SAMMSON: variants seen among roughly 807,000 people sequenced by gnomAD.
SAMMSON encodes the protein long intergenic non-protein coding RNA 1212.
chr3:70,315,903 C>A (rs1348103492), intron 7 of SAMMSON, among the ~76,000 whole-genome samples: 2 of 152,036 alleles, frequency 1.3e-5, no homozygotes, highest in Non-Finnish European at 2.9e-5. Context: ...ATTCCCTGTA[C>A]AAAGAGTGTT....
chr3:70,242,892 G>A (rs983777621), intron 4 of SAMMSON, among the ~76,000 whole-genome samples: 2 of 152,208 alleles, frequency 1.3e-5, no homozygotes, highest in African/African-American at 4.8e-5. Flanking sequence ...CCAGGGAGGG[G>A]TTTGGTGGCA....
At chr3:70,280,196 TCTC>T (rs1353996900) in intron 6 of SAMMSON, among the ~76,000 whole-genome samples, 1 of 152,136 alleles carries the variant, frequency 6.6e-6, no homozygotes, top group African/African-American at 2.4e-5. Flanking sequence ...TGTATCATCA[TCTC>T]CTCTTCTGTG....
rs189399835 is a variant in SAMMSON at position 70,370,804 on chromosome 3, G to T, written n.913+12480G>T. Reference sequence around the variant, plus strand: ...CTTAATAATTTCCTTTGCTGTGCAGGAACTTTTTAGTTTAATATAGTCCTA... The same window carrying T: ...CTTAATAATTTCCTTTGCTGTGCAGTAACTTTTTAGTTTAATATAGTCCTA... On this transcript the variant is annotated intron_variant and non_coding_transcript_variant, in intron 9 of 9. Transcript: ENST00000642114. Among the ~76,000 whole-genome samples the T allele has an allele frequency of 6.6e-5, 10 of 151,956 alleles. No homozygotes were observed. In the East Asian group the frequency reaches 1.9e-3, roughly 29 times the overall value.
chr3:70,367,521 C>G (rs1353148644), intron 9 of SAMMSON, among the ~76,000 whole-genome samples: 1 of 151,602 alleles, frequency 6.6e-6, no homozygotes, highest in African/African-American at 2.4e-5. Context: ...CTAATGTCCT[C>G]CAGGCTTATC....
intron 4 of SAMMSON, among the ~76,000 whole-genome samples, chr3:70,171,840 C>T (rs1700959964): frequency 6.6e-6 from 1 of 151,834 alleles, no homozygotes; most frequent in African/African-American, 2.4e-5. Flanking sequence ...CCACCCCTGC[C>T]ACATATTTCA....
intron 4 of SAMMSON, among the ~76,000 whole-genome samples, chr3:70,168,412 G>A (rs2067646575): frequency 6.6e-6 from 1 of 152,002 alleles, no homozygotes; most frequent in Non-Finnish European, 1.5e-5. Flanking sequence ...AGCACATGGA[G>A]CTTATGCCAC....
At chr3:70,258,519 T>C (rs1350938843) in intron 6 of SAMMSON, among the ~76,000 whole-genome samples, 1 of 152,202 alleles carries the variant, frequency 6.6e-6, no homozygotes, top group Admixed American at 6.5e-5. Context: ...TCCAGTCACA[T>C]GAGCTAGTAG....
chr3:70,026,344 T>G (rs1033573443), intron 3 of SAMMSON, among the ~76,000 whole-genome samples: 11 of 152,142 alleles, frequency 7.2e-5, no homozygotes, highest in African/African-American at 2.7e-4. Flanking sequence ...ATTAATTTAT[T>G]TTATTCATTT....
intron 4 of SAMMSON, among the ~76,000 whole-genome samples, chr3:70,151,265 T>C (rs1346515147): frequency 6.6e-6 from 1 of 152,022 alleles, no homozygotes; most frequent in Non-Finnish European, 1.5e-5. Context: ...AAGAGACTCC[T>C]TGGTGCTGGA....
chr3:70,051,568 A>G (rs747722697), intron 3 of SAMMSON, among the ~76,000 whole-genome samples: 9 of 151,540 alleles, frequency 5.9e-5, no homozygotes, highest in Non-Finnish European at 1.2e-4. Flanking sequence ...TTAGCGTTAT[A>G]TTTATGGACA....
chr3:70,207,431 C>T (rs1701303297), intron 4 of SAMMSON, among the ~76,000 whole-genome samples: 2 of 151,936 alleles, frequency 1.3e-5, no homozygotes, highest in Admixed American at 1.3e-4. Flanking sequence ...AACTGTCTGG[C>T]ACAATAGCTA....
At chr3:70,020,220 A>G (rs1394719022) in intron 3 of SAMMSON, among the ~76,000 whole-genome samples, 1 of 152,128 alleles carries the variant, frequency 6.6e-6, no homozygotes, top group Non-Finnish European at 1.5e-5. Flanking sequence ...AGTCATGTTT[A>G]TTCCCTTTTA....
intron 3 of SAMMSON, among the ~76,000 whole-genome samples, chr3:70,020,832 T>A (rs764981091): frequency 1.3e-5 from 2 of 152,124 alleles, no homozygotes; most frequent in African/African-American, 4.8e-5. Context: ...TCCCAACAAC[T>A]GTAGGAAACA....
intron 7 of SAMMSON, among the ~76,000 whole-genome samples, chr3:70,307,004 C>T (rs1024536982): frequency 1.3e-5 from 2 of 151,710 alleles, no homozygotes; most frequent in African/African-American, 2.4e-5. Flanking sequence ...GAGAGAGAGA[C>T]AAATAGAGAG....
intron 4 of SAMMSON, among the ~76,000 whole-genome samples, chr3:70,124,586 G>T (rs1230296272): frequency 1.3e-5 from 2 of 152,060 alleles, no homozygotes; most frequent in African/African-American, 4.8e-5. Context: ...GCTGAGGCGG[G>T]TGGATCACAA....
At position 70,345,350 on chromosome 3, in the gene SAMMSON, C is replaced by T. The variant is rs1012406994; in HGVS notation, n.740-8825C>T. On this transcript the variant is annotated intron_variant and non_coding_transcript_variant, in intron 7 of 9. Transcript: ENST00000642114. ...ACAGTTCCTTTTGCCCTTAATCTTA[C>T]AGATTCCAGGTATTTTCAGTGTTAC... is the stretch of plus-strand genomic sequence containing the variant. 8.5e-5 allele frequency among the ~76,000 whole-genome samples: 13 copies of T among 152,304 alleles called. No homozygotes were observed. The South Asian group carries it at 1.2e-3, about 15-fold the overall frequency.
chr3:70,276,506 T>A (rs1702028027), intron 6 of SAMMSON, among the ~76,000 whole-genome samples: 1 of 152,226 alleles, frequency 6.6e-6, no homozygotes, highest in African/African-American at 2.4e-5. Flanking sequence ...TACGAAATTT[T>A]AAGAATTATG....
chr3:70,173,671 C>T (rs1700980213), intron 4 of SAMMSON, among the ~76,000 whole-genome samples: 1 of 151,860 alleles, frequency 6.6e-6, no homozygotes, highest in East Asian at 1.9e-4. Context: ...TCACAATGAT[C>T]ACGAGCCAAA....
intron 7 of SAMMSON, among the ~76,000 whole-genome samples, chr3:70,317,123 G>GCT (rs1702500905): frequency 6.6e-6 from 1 of 151,852 alleles, no homozygotes; most frequent in South Asian, 2.1e-4. Context: ...TCATTTACAT[G>GCT]CTCTCTCCTT....
Sources: allele counts gnomAD v4.1 joint callset (sites outside exome capture counted in the v4.1 genomes callset), GRCh38; gene constraint gnomAD v4.1.1; transcripts MANE v1.5; gene names NCBI Gene and HGNC (gene_info 2026-07-23, HGNC 2026-07-21).